TRIM5: variants seen among roughly 807,000 people sequenced by gnomAD.
The protein encoded by TRIM5 is tripartite motif-containing protein 5.
Under a neutral mutation model 35.6 loss-of-function variants are expected in TRIM5, and 31 were observed. The ratio of observed to expected loss-of-function variants is 0.87; its 90% CI spans 0.65 to 1.18. The LOEUF is 1.18. Ranked by LOEUF, TRIM5 falls within the 50% of genes most tolerant of loss-of-function variation. TRIM5 has a pLI of 0.00. For missense variants in TRIM5, 609 were observed against 591.6 expected (o/e 1.03, Z -0.31); for synonymous variants, 243 against 215.6 (o/e 1.13, Z -1.11).
the TRIM5 span, among the ~76,000 whole-genome samples, chr11:5,648,908 A>G: frequency 2.0e-5 from 3 of 152,244 alleles, no homozygotes; most frequent in Non-Finnish European, 4.4e-5. Flanking sequence ...GATTCAAAGA[A>G]TCAAAAATAA....
the TRIM5 span, among the ~76,000 whole-genome samples, chr11:5,654,430 GTC>G: frequency 6.6e-6 from 1 of 152,180 alleles, no homozygotes; most frequent in African/African-American, 2.4e-5. Context: ...CATCAGTACA[GTC>G]TGCAAATTTC....
At chr11:5,618,973 C>T in the TRIM5 span, among the ~76,000 whole-genome samples, 11 of 152,278 alleles carry the variant, frequency 7.2e-5, no homozygotes, top group African/African-American at 2.6e-4. Flanking sequence ...GGCTTCATGT[C>T]ATTGGGTAAA....
chr11:5,654,155 A>G, the TRIM5 span, among the ~76,000 whole-genome samples: 1 of 119,470 alleles, frequency 8.4e-6, no homozygotes, highest in Non-Finnish European at 2.0e-5. Context: ...CAGGCATTTC[A>G]TAGATATTTT....
chr11:5,647,438 C>A, the TRIM5 span, among the ~76,000 whole-genome samples: 2 of 151,964 alleles, frequency 1.3e-5, no homozygotes. Context: ...CTTCTATACC[C>A]ACAGGAAAAA....
the TRIM5 span, chr11:5,634,810 CA>C: frequency 6.2e-7 from 1 of 1,613,646 alleles, no homozygotes; most frequent in East Asian, 2.2e-5. Flanking sequence ...TGAGAGAGCT[CA>C]TCTCAGATGT....
intron 4 of TRIM5, among the ~76,000 whole-genome samples, chr11:5,670,795 C>T (rs1564913123): frequency 1.6e-5 from 2 of 127,380 alleles, no homozygotes; most frequent in African/African-American, 3.5e-5. Flanking sequence ...CAGGACAAAG[C>T]TAGGATCCTA....
At chr11:5,605,175 G>T in the TRIM5 span, 1 of 946,170 alleles carries the variant, frequency 1.1e-6, no homozygotes, top group Non-Finnish European at 1.6e-6. Context: ...AGAAAAGAAG[G>T]AAAGAACAGG....
the TRIM5 span, among the ~76,000 whole-genome samples, chr11:5,644,850 G>T: frequency 4.7e-4 from 71 of 152,118 alleles, 1 homozygote; most frequent in African/African-American, 1.7e-3. Context: ...CTGGTGGGAG[G>T]TGATTGGATC....
intron 1 of TRIM5, among the ~76,000 whole-genome samples, chr11:5,683,438 C>T (rs1852704925): frequency 6.6e-6 from 1 of 152,232 alleles, no homozygotes; most frequent in Non-Finnish European, 1.5e-5. Context: ...AATCAGCACC[C>T]TGTGTCTAGC....
rs1426112908 is a variant in TRIM5, at chr11:5,678,461, G to T, written c.514-27C>A. On this transcript the variant is annotated intron_variant, in intron 3 of 7. Coordinates refer to ENST00000380034, the MANE Select transcript of TRIM5 (RefSeq NM_033034.3). ...TTCAGAGATAAGAGAAGAGAAAGGG[G>T]CACTCAGTCTACCAGGCAGAGGCTG... 6 of 1,477,410 alleles carry T rather than the reference G, an allele frequency of 4.1e-6. No individual in the cohort carries two copies. The African/African-American group carries it at 8.5e-5, about 21-fold the overall frequency. The allele number at this position is 1,477,410 out of a possible 1,614,324, so 91.5% of individuals were successfully genotyped here. A position where few individuals can be genotyped will look rare whatever the true frequency, so the allele number is the denominator to read the frequency against.
At chr11:5,670,069 T>C (rs535202169) in intron 4 of TRIM5, 2 of 153,990 alleles carry the variant, frequency 1.3e-5, no homozygotes, top group South Asian at 2.0e-4. Flanking sequence ...GAAATGTAAC[T>C]CTCCTGATAT....
chr11:5,610,727 G>A, the TRIM5 span: 31 of 1,593,858 alleles, frequency 1.9e-5, no homozygotes, highest in Non-Finnish European at 2.4e-5. Context: ...TCAGCATAAC[G>A]AGACCCATGT....
At chr11:5,593,003 G>T in the TRIM5 span, among the ~76,000 whole-genome samples, 1 of 151,822 alleles carries the variant, frequency 6.6e-6, no homozygotes, top group African/African-American at 2.4e-5. Context: ...AAAAAAGAGA[G>T]GGAGGAAAGG....
chr11:5,638,081 A>G, the TRIM5 span, among the ~76,000 whole-genome samples: 232 of 152,366 alleles, frequency 1.5e-3, no homozygotes, highest in Non-Finnish European at 2.4e-3. Context: ...CAGCGTATCC[A>G]ATCCTTACAT....
the TRIM5 span, among the ~76,000 whole-genome samples, chr11:5,609,698 A>G: frequency 6.6e-6 from 1 of 152,182 alleles, no homozygotes; most frequent in Non-Finnish European, 1.5e-5. Context: ...TGAGGAGGGC[A>G]GATCACGAGG....
intron 1 of TRIM5, among the ~76,000 whole-genome samples, chr11:5,683,280 G>A (rs1034206623): frequency 6.6e-6 from 1 of 152,254 alleles, no homozygotes; most frequent in Non-Finnish European, 1.5e-5. Context: ...AAGGGCTGAG[G>A]AGTGCAGGTG....
chr11:5,604,021 C>T, the TRIM5 span, among the ~76,000 whole-genome samples: 39,149 of 151,722 alleles, frequency 0.26, 5,300 homozygotes, highest in East Asian at 0.43. Context: ...TTTGAGAAGG[C>T]GTCTCGCTCT....
At chr11:5,605,277 A>G in the TRIM5 span, 11 of 1,609,274 alleles carry the variant, frequency 6.8e-6, no homozygotes, top group Non-Finnish European at 9.3e-6. Flanking sequence ...CCCCGCTTTT[A>G]ATAGAGGAGA....
At chr11:5,597,053 A>T in the TRIM5 span, 1 of 1,412,692 alleles carries the variant, frequency 7.1e-7, no homozygotes, top group South Asian at 1.3e-5. Context: ...AAATGACCCC[A>T]CTGAGGTTAG....
Sources: gnomAD v4.1 joint callset for allele counts (sites outside exome capture counted in the v4.1 genomes callset) on GRCh38, gnomAD v4.1.1 for gene constraint, MANE v1.5 for transcripts, NCBI Gene and HGNC (gene_info 2026-07-23, HGNC 2026-07-21) for gene names.